AFF2: variants seen among roughly 807,000 people sequenced by gnomAD.
The protein encoded by AFF2 is AF4/FMR2 family member 2.
Under a neutral mutation model 76.9 loss-of-function variants are expected in AFF2, and 14 were observed. The ratio of observed to expected loss-of-function variants is 0.18; its 90% confidence interval spans 0.12 to 0.28. The LOEUF is 0.28. Among genes scored for constraint, AFF2 ranks in the 10% least tolerant of loss-of-function variants. The pLI is 1.00. For missense variants in AFF2, 868 were observed against 1,001.1 expected (o/e 0.87, Z 1.79); for synonymous variants, 398 against 366.7 (o/e 1.09, Z -0.98).
chrX:148,837,076 C>T (rs1224907723), intron 4 of AFF2, among the ~76,000 whole-genome samples: 1 of 111,736 alleles, frequency 8.9e-6, no homozygotes, highest in Admixed American at 9.5e-5. Flanking sequence ...CAGTACTGTC[C>T]TCCCTTGAGC....
Position 148,662,761 on chromosome X carries a change from C to A in AFF2, c.1034C>A (p.Thr345Lys), listed in dbSNP as rs199510763. The A allele has an allele frequency of 5.4e-5, 65 of 1,204,341 alleles. 1 individual carries two copies. The highest frequency in any genetic ancestry group is 7.3e-5 in the Non-Finnish European group (65 of 891,891). Residue 345 changes from threonine (T) to lysine (K), a missense_variant, in exon 3 of 21, where the codon ACA (threonine) becomes AAA (lysine). Physicochemically the swap from Thr to Lys is moderately conservative, Grantham distance 78. Around this residue, in one of 6 missense-constraint regions of AFF2, gnomAD observed 532 missense variants for 564.2 expected, o/e 0.94. Coordinates refer to ENST00000370460, the MANE Select transcript of AFF2 (RefSeq NM_002025.4). ...CTGCCAAAGTTCACCATCCTCCAAA[C>A]AAGTGAAGTAAGTAATTTTTAAAGT... is the stretch of plus-strand genomic sequence containing the variant. The part of the protein sequence containing the change: ...TKLPKFTILQ[T>K]SEVSLPSDPS...
chrX:148,853,618 G>A (rs2070756182), intron 7 of AFF2, among the ~76,000 whole-genome samples: 1 of 111,939 alleles, frequency 8.9e-6, no homozygotes, highest in South Asian at 3.8e-4. Context: ...AGCTCACACA[G>A]GTAATAGTGT....
intron 3 of AFF2, among the ~76,000 whole-genome samples, chrX:148,806,298 G>C (rs782285168): frequency 8.9e-6 from 1 of 112,360 alleles, no homozygotes; most frequent in East Asian, 2.8e-4. Context: ...AGTGACCCTG[G>C]TGCATCTCCG....
At position 148,704,460 on chromosome X, in the gene AFF2, G is replaced by GTGTATATATATTTATATATATGTGTATA. The variant is rs782141055; in HGVS notation, c.1041+41693_1041+41694insGTATATATATTTATATATATGTGTATAT. ...TGTGTATATATATATTTATATATGT[G>GTGTATATATATTTATATATATGTGTATA]TATATATTTATATATATGTGTATAT... On this transcript the variant is annotated intron_variant, in intron 3 of 20. Coordinates refer to ENST00000370460, the MANE Select transcript of AFF2 (RefSeq NM_002025.4). Among the ~76,000 whole-genome samples, 35 of 14,873 alleles carry GTGTATATATATTTATATATATGTGTATA rather than the reference G, an allele frequency of 2.4e-3. 8 individuals carry two copies. Among genetic ancestry groups the GTGTATATATATTTATATATATGTGTATA allele is most frequent in the African/African-American group, 8.3e-3 (35 of 4,235 alleles). 12.9% of individuals were successfully genotyped at this position (14,873 alleles called of 115,157 possible).
intron 9 of AFF2, among the ~76,000 whole-genome samples, chrX:148,941,611 G>A (rs782095937): frequency 3.6e-5 from 4 of 111,900 alleles, no homozygotes; most frequent in Non-Finnish European, 7.5e-5. Flanking sequence ...AATGGTTGTT[G>A]CTCTAAATAC....
intron 3 of AFF2, among the ~76,000 whole-genome samples, chrX:148,725,250 G>A (rs1236324857): frequency 1.8e-5 from 2 of 110,900 alleles, no homozygotes. Context: ...TGTCACTCCT[G>A]CATGGCCTAA....
At chrX:148,805,022 C>A (rs1557271199) in intron 3 of AFF2, among the ~76,000 whole-genome samples, 1 of 111,832 alleles carries the variant, frequency 8.9e-6, no homozygotes, top group Non-Finnish European at 1.9e-5. Flanking sequence ...ATGGGAATTA[C>A]AAATTTTAAA....
chrX:148,809,871 T>G lies in AFF2; in HGVS notation c.1042-5T>G, dbSNP rs1557271664. 3 of 1,208,782 alleles carry G rather than the reference T, an allele frequency of 2.5e-6. No individual in the cohort carries two copies. In the East Asian group the frequency reaches 8.9e-5, roughly 36 times the overall value. On this transcript the variant is annotated splice_region_variant and splice_polypyrimidine_tract_variant and intron_variant, in intron 3 of 20. Coordinates refer to ENST00000370460, the MANE Select transcript of AFF2 (RefSeq NM_002025.4). Reference sequence around the variant, plus strand: ...GCCTAATGTTTTCTGTTTATTTTGTTTCAGGTAAGCCTTCCCAGTGATCCA... The same window carrying G: ...GCCTAATGTTTTCTGTTTATTTTGTGTCAGGTAAGCCTTCCCAGTGATCCA...
intron 3 of AFF2, among the ~76,000 whole-genome samples, chrX:148,762,736 G>C (rs1355823427): frequency 9.0e-6 from 1 of 110,734 alleles, no homozygotes; most frequent in Non-Finnish European, 1.9e-5. Flanking sequence ...CTGTGCTCTG[G>C]CTGCTAGGGA....
In AFF2 at chrX:148,995,354, T is replaced by A. The variant is rs1359871199; in HGVS notation, c.*4022T>A. On this transcript the variant is annotated 3_prime_UTR_variant, in exon 21 of 21. Transcript: ENST00000370460. ...CTGATATTTTTGGTGAAGGAAAAAG[T>A]ATTAATTCTCTTTCCATCCTCCTCC... 1.8e-5 allele frequency: 2 copies of A among 109,542 alleles called. No individual in the cohort carries two copies. The highest frequency in any genetic ancestry group is 2.0e-4 in the Admixed American group (2 of 10,245). The allele number at this position is 109,542 out of a possible 1,213,427, so 9.0% of individuals were successfully genotyped here. A position where few individuals can be genotyped will look rare whatever the true frequency, so the allele number is the denominator to read the frequency against.
chrX:148,676,910 A>G (rs943002109), intron 3 of AFF2, among the ~76,000 whole-genome samples: 3 of 110,972 alleles, frequency 2.7e-5, no homozygotes, highest in Non-Finnish European at 5.7e-5. Flanking sequence ...GGTAAAGGGC[A>G]TAAGGTATAA....
intron 3 of AFF2, among the ~76,000 whole-genome samples, chrX:148,774,199 CA>C (rs2069639300): frequency 9.0e-6 from 1 of 111,604 alleles, no homozygotes; most frequent in African/African-American, 3.3e-5. Context: ...ATAATGTCAG[CA>C]AAAACAATTC....
chrX:148,952,873 T>C (rs2071986043), intron 9 of AFF2, among the ~76,000 whole-genome samples: 1 of 111,469 alleles, frequency 9.0e-6, no homozygotes. Flanking sequence ...GTTGTCTCAT[T>C]CCCTTATTCA....
intron 3 of AFF2, among the ~76,000 whole-genome samples, chrX:148,680,540 T>TA (rs201617526): frequency 5.3e-4 from 57 of 108,136 alleles, no homozygotes; most frequent in Admixed American, 1.4e-3. Flanking sequence ...GTCACTAAAT[T>TA]AAAAAAAAAA....
intron 3 of AFF2, among the ~76,000 whole-genome samples, chrX:148,685,267 A>C (rs1309872874): frequency 8.9e-6 from 1 of 112,097 alleles, no homozygotes; most frequent in Non-Finnish European, 1.9e-5. Context: ...AAGGAAGAAC[A>C]ATGACCAGTG....
chrX:148,617,340 T>C (rs1453636962), intron 1 of AFF2, among the ~76,000 whole-genome samples: 21 of 112,550 alleles, frequency 1.9e-4, no homozygotes, highest in African/African-American at 6.1e-4. Flanking sequence ...ATGAGCATTT[T>C]TTCATGTGTT....
At chrX:148,899,573 T>C (rs1557280673) in intron 8 of AFF2, among the ~76,000 whole-genome samples, 1 of 112,196 alleles carries the variant, frequency 8.9e-6, no homozygotes, top group African/African-American at 3.2e-5. Flanking sequence ...GAATACCCAG[T>C]TATTTGAAAT....
chrX:148,688,040 C>T (rs2054616111), intron 3 of AFF2, among the ~76,000 whole-genome samples: 2 of 110,166 alleles, frequency 1.8e-5, no homozygotes, highest in African/African-American at 3.3e-5. Context: ...ATCTCTCCCC[C>T]TCCCTCATGT....
intron 8 of AFF2, among the ~76,000 whole-genome samples, chrX:148,888,695 A>G (rs1232498749): frequency 1.8e-5 from 2 of 111,783 alleles, no homozygotes; most frequent in Non-Finnish European, 3.8e-5. Flanking sequence ...AGGAGTACTG[A>G]GACTACCATT....
Sources: gnomAD v4.1 joint callset for allele counts (sites outside exome capture counted in the v4.1 genomes callset) on GRCh38, gnomAD v4.1.1 for gene constraint, gnomAD v4.1.1 regional missense constraint, MANE v1.5 for transcripts, NCBI Gene and HGNC (gene_info 2026-07-23, HGNC 2026-07-21) for gene names.